DMD: variants seen among roughly 807,000 people sequenced by gnomAD.
The protein encoded by DMD is dystrophin, also known as mutant dystrophin.
Under a neutral mutation model 330.1 loss-of-function variants are expected in DMD, and 63 were observed. The observed-to-expected ratio is 0.19, with a 90% CI of 0.16 to 0.24. The LOEUF is 0.24. Ranked by LOEUF, DMD falls within the 10% of genes least tolerant of loss-of-function variation. The pLI is 1.00. For synonymous variants in DMD, 1,223 were observed against 959.8 expected (o/e 1.27, Z -5.07); for missense variants, 3,344 against 2,684.1 (o/e 1.25, Z -5.43).
chrX:31,239,933 C>T (rs898300682), intron 63 of DMD, among the ~76,000 whole-genome samples: 12 of 111,540 alleles, frequency 1.1e-4, no homozygotes, highest in Non-Finnish European at 7.5e-5. Context: ...TTAGACGTGC[C>T]GCCTTTAAGA....
intron 16 of DMD, among the ~76,000 whole-genome samples, chrX:32,553,612 A>G (rs768878473): frequency 8.0e-5 from 9 of 112,260 alleles, no homozygotes; most frequent in Non-Finnish European, 1.3e-4. Context: ...CCACTGTCAT[A>G]TATGTGGTTC....
chrX:32,481,454 T>C (rs1475325108), intron 21 of DMD, among the ~76,000 whole-genome samples: 1 of 111,515 alleles, frequency 9.0e-6, no homozygotes, highest in East Asian at 2.8e-4. Flanking sequence ...ATTGAAATTC[T>C]TTCGGAAATG....
At chrX:32,440,156 G>A (rs1023099070) in intron 28 of DMD, among the ~76,000 whole-genome samples, 2 of 111,278 alleles carry the variant, frequency 1.8e-5, no homozygotes, top group Admixed American at 1.9e-4. Context: ...TTATTAATGT[G>A]CTGTAAATTT....
intron 7 of DMD, among the ~76,000 whole-genome samples, chrX:32,777,697 A>C (rs2074316078): frequency 1.8e-5 from 2 of 112,391 alleles, no homozygotes; most frequent in African/African-American, 6.5e-5. Flanking sequence ...TAAATTTAAA[A>C]CAAAGACATT....
At chrX:33,014,266 A>G (rs2093756907) in intron 2 of DMD, among the ~76,000 whole-genome samples, 1 of 111,940 alleles carries the variant, frequency 8.9e-6, no homozygotes, top group African/African-American at 3.2e-5. Flanking sequence ...TGTAGAGGCC[A>G]GATACCAAGC....
At chrX:32,986,073 A>G in intron 2 of DMD, among the ~76,000 whole-genome samples, 1 of 112,036 alleles carries the variant, frequency 8.9e-6, no homozygotes, top group East Asian at 2.8e-4. Flanking sequence ...CCCTCTCTGT[A>G]AAATGGAGAT....
chrX:33,322,384 G>GT (rs1413181410), intron 1 of DMD, among the ~76,000 whole-genome samples: 1 of 109,080 alleles, frequency 9.2e-6, no homozygotes, highest in South Asian at 4.1e-4. Context: ...GGAGACAGAT[G>GT]TGGGGGGGTG....
chrX:32,918,924 GA>G, intron 2 of DMD, among the ~76,000 whole-genome samples: 1 of 111,883 alleles, frequency 8.9e-6, no homozygotes, highest in East Asian at 2.8e-4. Flanking sequence ...CCACCTCAGA[GA>G]ATTAATGAAA....
chrX:31,468,394 T>C (rs1023527711), intron 59 of DMD, among the ~76,000 whole-genome samples: 2 of 112,313 alleles, frequency 1.8e-5, no homozygotes, highest in African/African-American at 6.5e-5. Flanking sequence ...TTGAAAGAAC[T>C]TATTCATTTC....
chrX:31,943,911 G>GAGAGAA (rs2095045331), intron 45 of DMD, among the ~76,000 whole-genome samples: 1 of 101,289 alleles, frequency 9.9e-6, no homozygotes, highest in Admixed American at 1.0e-4. Flanking sequence ...GAGAGAGAGA[G>GAGAGAA]AGAGAGAGAG....
intron 55 of DMD, among the ~76,000 whole-genome samples, chrX:31,522,064 T>C (rs894983210): frequency 4.5e-5 from 5 of 110,611 alleles, no homozygotes; most frequent in Non-Finnish European, 9.4e-5. Flanking sequence ...AACACAGCCC[T>C]GTGGGAACAA....
chrX:31,501,535 A>G (rs925598370), intron 56 of DMD, among the ~76,000 whole-genome samples: 19 of 111,860 alleles, frequency 1.7e-4, no homozygotes, highest in Non-Finnish European at 2.8e-4. Context: ...AATTTCCACA[A>G]TTTGTAAGGT....
chrX:31,154,210 G>A (rs149637033), intron 74 of DMD, among the ~76,000 whole-genome samples: 68 of 112,069 alleles, frequency 6.1e-4, no homozygotes, highest in Non-Finnish European at 7.1e-4. Flanking sequence ...CAGTATTAAC[G>A]TAGGGGAGAT....
At chrX:31,682,949 G>T (rs776024463) in intron 52 of DMD, among the ~76,000 whole-genome samples, 1 of 111,663 alleles carries the variant, frequency 9.0e-6, no homozygotes, top group African/African-American at 3.3e-5. Context: ...TTTTAATCCT[G>T]GAAAAAGAAG....
At chrX:31,321,841 C>T (rs2056457295) in intron 62 of DMD, among the ~76,000 whole-genome samples, 1 of 110,949 alleles carries the variant, frequency 9.0e-6, no homozygotes, top group South Asian at 3.8e-4. Context: ...GAGACTAATA[C>T]ACAGAAGGGA....
chrX:31,251,759 A>G lies in DMD; in HGVS notation c.9286+9196T>C, dbSNP rs2049388955. 2.7e-5 allele frequency among the ~76,000 whole-genome samples: 3 copies of G among 112,562 alleles called. No individual in the cohort carries two copies. The South Asian group carries it at 1.1e-3, about 42-fold the overall frequency. ...AAAAAGAAATATTGGAAATGTCTGA[A>G]TAAGAGCAGACACGTTTTTAGATGC... On this transcript the variant is annotated intron_variant, in intron 63 of 78. Transcript: ENST00000357033.
At chrX:31,483,171 C>T (rs781095201) in intron 57 of DMD, among the ~76,000 whole-genome samples, 24 of 106,959 alleles carry the variant, frequency 2.2e-4, no homozygotes, top group Admixed American at 9.0e-4. Context: ...CTCAGCCTCC[C>T]GAGTAGCTGG....
At chrX:31,228,210 A>G (rs1227232535) in intron 63 of DMD, among the ~76,000 whole-genome samples, 3 of 105,123 alleles carry the variant, frequency 2.9e-5, no homozygotes, top group African/African-American at 1.0e-4. Flanking sequence ...TACATATGTA[A>G]CTAACCTGCA....
At chrX:32,515,001 T>C (rs1007256557) in intron 18 of DMD, among the ~76,000 whole-genome samples, 1 of 112,212 alleles carries the variant, frequency 8.9e-6, no homozygotes, top group African/African-American at 3.2e-5. Context: ...AGTCATTAAC[T>C]GCAAGGAAAG....
Sources: allele counts gnomAD v4.1 joint callset (sites outside exome capture counted in the v4.1 genomes callset), GRCh38; gene constraint gnomAD v4.1.1; transcripts MANE v1.5; gene names NCBI Gene and HGNC (gene_info 2026-07-23, HGNC 2026-07-21).